The following KIAA0586 variants were observed in gnomAD, a reference collection of about 807,000 sequenced individuals.
KIAA0586 encodes KIAA0586.
In KIAA0586, 144 loss-of-function variants were observed where a neutral mutation model predicts 169.8. That is an observed-to-expected ratio of 0.85 (90% confidence interval 0.74 to 0.97). The LOEUF (loss-of-function observed/expected upper bound fraction) is 0.97. KIAA0586 is among the 50% of genes least tolerant of loss of function. The pLI is 0.00. For missense variants in KIAA0586, 1,854 were observed against 1,823.0 expected (o/e 1.02, Z -0.31); for synonymous variants, 625 against 612.4 (o/e 1.02, Z -0.30).
downstream of KIAA0586, among the ~76,000 whole-genome samples, chr14:58,553,815 G>A (rs1274441152): frequency 6.6e-6 from 1 of 152,116 alleles, no homozygotes; most frequent in East Asian, 1.9e-4. Context: ...TTGTGTCTGT[G>A]TCAATTAGCA....
chr14:58,527,777 A>G (rs1330607108), intron 29 of KIAA0586, among the ~76,000 whole-genome samples: 1 of 152,196 alleles, frequency 6.6e-6, no homozygotes, highest in Non-Finnish European at 1.5e-5. Flanking sequence ...GACCATTGAC[A>G]CTATGAAGAA....
intron 12 of KIAA0586, among the ~76,000 whole-genome samples, chr14:58,459,375 C>G (rs1340279943): frequency 6.6e-6 from 1 of 152,102 alleles, no homozygotes; most frequent in Admixed American, 6.5e-5. Context: ...CGCTCTACAG[C>G]TAACTGGCAA....
intron 12 of KIAA0586, among the ~76,000 whole-genome samples, chr14:58,458,996 T>C (rs1238977745): frequency 1.3e-5 from 2 of 152,176 alleles, no homozygotes; most frequent in African/African-American, 4.8e-5. Flanking sequence ...ATGGGCATGG[T>C]ACATCTTCAA....
chr14:58,468,442 T>C (rs1488727041), intron 16 of KIAA0586, among the ~76,000 whole-genome samples: 2 of 152,244 alleles, frequency 1.3e-5, no homozygotes, highest in Non-Finnish European at 2.9e-5. Flanking sequence ...ATGACTTATA[T>C]ACAAGTGGCT....
At chr14:58,477,296 A>G in intron 20 of KIAA0586, 55 bp downstream of exon 20, 1 of 919,610 alleles carries the variant, frequency 1.1e-6, no homozygotes, top group East Asian at 2.6e-5. Flanking sequence ...GCTTTAGTTC[A>G]TCGTGGATTT....
At chr14:58,559,118 A>G in the KIAA0586 span, among the ~76,000 whole-genome samples, 1 of 152,218 alleles carries the variant, frequency 6.6e-6, no homozygotes, top group African/African-American at 2.4e-5. Context: ...GTATCAGGGA[A>G]CTGTTGACAT....
intron 24 of KIAA0586, among the ~76,000 whole-genome samples, chr14:58,489,223 A>ATTTTT (rs5808974): frequency 0.39 from 53,362 of 135,390 alleles, 11,792 homozygotes; most frequent in East Asian, 0.49. Flanking sequence ...TGAAACCTGA[A>ATTTTT]TTTTTTTTTT....
chr14:58,470,556 T>A, intron 16 of KIAA0586, 57 bp from the exon 17 acceptor site: 2 of 1,031,158 alleles, frequency 1.9e-6, no homozygotes, highest in Non-Finnish European at 1.5e-6. Context: ...CACATACTCA[T>A]AAAAATATTT....
At chr14:58,433,846 T>A (rs776190421) in intron 4 of KIAA0586, among the ~76,000 whole-genome samples, 16 of 152,006 alleles carry the variant, frequency 1.1e-4, no homozygotes, top group South Asian at 6.2e-4. Flanking sequence ...CTAATTTTTT[T>A]AAATTAGCCA....
intron 1 of KIAA0586, among the ~76,000 whole-genome samples, chr14:58,429,012 G>T (rs2037124996): frequency 6.6e-6 from 1 of 152,098 alleles, no homozygotes; most frequent in East Asian, 1.9e-4. Flanking sequence ...GTTCTTTGGG[G>T]GATACAGCGG....
rs140663227 is a variant in KIAA0586 at position 58,545,741 on chromosome 14, C to T, written c.4496-2040C>T. On this transcript the variant is annotated intron_variant, in intron 30 of 30. Transcript: ENST00000652326. ...TCCTATACACATTTTTAAGGCCAGG[C>T]ATGGTGGCTCACATCTGTAATGTCA... is the stretch of plus-strand genomic sequence containing the variant. Among the ~76,000 whole-genome samples, 558 of 152,200 alleles carry T rather than the reference C, an allele frequency of 3.7e-3. 2 individuals carry two copies. Among genetic ancestry groups the T allele is most frequent in the African/African-American group, 0.012 (504 of 41,514 alleles).
intron 7 of KIAA0586, among the ~76,000 whole-genome samples, chr14:58,448,760 T>C (rs1340947793): frequency 6.6e-6 from 1 of 152,158 alleles, no homozygotes; most frequent in Non-Finnish European, 1.5e-5. Context: ...TTATGGATTA[T>C]GTTCTTAACT....
At chr14:58,475,311 A>G (rs533545489) in intron 19 of KIAA0586, among the ~76,000 whole-genome samples, 1 of 152,298 alleles carries the variant, frequency 6.6e-6, no homozygotes, top group Admixed American at 6.5e-5. Flanking sequence ...TCTAGGTTGC[A>G]CGCTCCCTAT....
chr14:58,484,428 C>G (rs2042230863), intron 21 of KIAA0586, among the ~76,000 whole-genome samples: 1 of 152,030 alleles, frequency 6.6e-6, no homozygotes. Flanking sequence ...GGATTGACAT[C>G]TTTATGGTAC....
At position 58,486,991 on chromosome 14, in the gene KIAA0586, G is replaced by C. The variant is rs764762528; in HGVS notation, c.3145-16G>C. ...GGTGATTATAAACACAGTTTATCTTGTTTTATTTATTTTAGGCAAGAGTGT... is the reference window on the plus strand; with the variant it reads ...GGTGATTATAAACACAGTTTATCTTCTTTTATTTATTTTAGGCAAGAGTGT... On this transcript the variant is annotated splice_polypyrimidine_tract_variant and intron_variant, in intron 21 of 30. Transcript: ENST00000652326. 7.6e-6 allele frequency: 12 copies of C among 1,576,914 alleles called. No homozygotes were observed. In the Middle Eastern group the frequency reaches 6.8e-4, roughly 89 times the overall value.
At chr14:58,509,604 C>T (rs955629705) in intron 28 of KIAA0586, among the ~76,000 whole-genome samples, 7 of 151,806 alleles carry the variant, frequency 4.6e-5, no homozygotes, top group Admixed American at 6.6e-5. Context: ...GGACATGTTA[C>T]GGATGAAACC....
chr14:58,556,039 CTT>C (rs1174299606), downstream of KIAA0586, among the ~76,000 whole-genome samples: 16 of 152,168 alleles, frequency 1.1e-4, no homozygotes, highest in Admixed American at 3.9e-4. Context: ...TTTTCAATGT[CTT>C]TACCATTTTT....
At chr14:58,435,481 A>T (rs962946783) in intron 4 of KIAA0586, among the ~76,000 whole-genome samples, 9 of 152,138 alleles carry the variant, frequency 5.9e-5, no homozygotes, top group Admixed American at 1.3e-4. Flanking sequence ...AACCTTCAAT[A>T]TCCTCCTTTT....
At chr14:58,498,420 C>T (rs1244250927) in intron 26 of KIAA0586, among the ~76,000 whole-genome samples, 1 of 150,934 alleles carries the variant, frequency 6.6e-6, no homozygotes, top group African/African-American at 2.4e-5. Context: ...AAGTGATCCA[C>T]CTGCCTCGGC....
Sources: allele counts gnomAD v4.1 joint callset (sites outside exome capture counted in the v4.1 genomes callset), GRCh38; gene constraint gnomAD v4.1.1; transcripts MANE v1.5; gene names NCBI Gene and HGNC (gene_info 2026-07-23, HGNC 2026-07-21).